The following PER1 variants were observed in gnomAD, a reference collection of about 807,000 sequenced individuals.
The protein encoded by PER1 is period circadian regulator 1, also known as period circadian protein homolog 1.
A neutral mutation model predicts 125.9 loss-of-function variants in PER1; 87 were observed. That is an observed-to-expected ratio of 0.69 (90% CI 0.58 to 0.83). The LOEUF (loss-of-function observed/expected upper bound fraction) is 0.83. PER1 is among the 40% of genes least tolerant of loss of function. The pLI, the probability that PER1 is intolerant of heterozygous loss-of-function variation, is 0.00. For synonymous variants in PER1, 801 were observed against 714.7 expected, an observed-to-expected ratio of 1.12 and a Z score of -1.93; for missense variants, 1,775 against 1,722.8, an observed-to-expected ratio of 1.03 and a Z score of -0.54.
In PER1 at chr17:8,152,357, C is replaced by G. The variant is rs1217738542; in HGVS notation, c.-160G>C. 1 of 152,462 alleles carries G rather than the reference C, an allele frequency of 6.6e-6. No individual in the cohort carries two copies. The highest frequency in any genetic ancestry group is 1.5e-5 in the Non-Finnish European group (1 of 68,174). The allele number at this position is 152,462 out of a possible 1,614,324, so 9.4% of individuals were successfully genotyped here. ...CCTACCTGGTCGCAGGAGTGTCCTC[C>G]GCACGCCTGCCCGCCGCCGCTCCAG... On this transcript the variant is annotated 5_prime_UTR_variant, in exon 1 of 23. Coordinates refer to ENST00000317276, the MANE Select transcript of PER1 (RefSeq NM_002616.3).
chr17:8,146,878 C>T lies in PER1; in HGVS notation c.1735+19G>A, dbSNP rs55655060. On this transcript the variant is annotated intron_variant, in intron 14 of 22. Coordinates refer to ENST00000317276, the MANE Select transcript of PER1 (RefSeq NM_002616.3). ...CCCCCCAGGTCTGTCTCTTCACCCA[C>T]ACATCATCATCAACTCACCAGGGAG... is the stretch of plus-strand genomic sequence containing the variant. 2.8e-3 allele frequency: 4,590 copies of T among 1,611,688 alleles called. 55 individuals are homozygous for T. Among genetic ancestry groups the T allele is most frequent in the South Asian group, 0.026 (2,402 of 90,860 alleles).
At chr17:8,148,996 C>T (rs1414802815) in intron 7 of PER1, 13 of 629,784 alleles carry the variant, frequency 2.1e-5, no homozygotes, top group Non-Finnish European at 3.0e-5. Flanking sequence ...CGAGACCAGC[C>T]TGGCCAACAT....
At position 8,148,112 on chromosome 17, in the gene PER1, G is replaced by T; in HGVS notation, c.1128-9C>A. ...CCAGCAGGGGGGCAGCCCTGAACGG[G>T]AAGGAGGCATCAGAGTGGCCGTGGC... On this transcript the variant is annotated splice_polypyrimidine_tract_variant and intron_variant, in intron 9 of 22. Transcript: ENST00000317276. 2 of 1,612,964 alleles carry T rather than the reference G, an allele frequency of 1.2e-6. No individual in the cohort carries two copies. The highest frequency in any genetic ancestry group is 8.5e-7 in the Non-Finnish European group (1 of 1,179,354).
chr17:8,142,142 G>T, intron 21 of PER1, 127 bp downstream of exon 21: 1 of 1,096,012 alleles, frequency 9.1e-7, no homozygotes, highest in Admixed American at 2.4e-5. Flanking sequence ...TAGTAACAGG[G>T]CTCCAAGGAG....
At chr17:8,144,715 G>A in intron 18 of PER1, 36 bp downstream of exon 18, 1 of 1,544,488 alleles carries the variant, frequency 6.5e-7, no homozygotes, top group Non-Finnish European at 8.7e-7. Context: ...CCTAGACTGG[G>A]CAGAGGGCAG....
chr17:8,142,821 C>T lies in PER1; in HGVS notation c.3087G>A (p.Glu1029=), dbSNP rs756785821. Residue 1029 remains glutamate (E), a synonymous_variant, in exon 20 of 23, where the codon GAG becomes GAA. Coordinates refer to ENST00000317276, the MANE Select transcript of PER1 (RefSeq NM_002616.3). ...CGGAAAGTGCGTCCTGATTGGAGGA[C>T]TCAGTGACCTCCGCCTGGAGGAGGG... The part of the protein sequence containing the change: ...EPEARLAEVT[E]SSNQDALSGS... 3.7e-6 allele frequency: 6 copies of T among 1,603,960 alleles called. No individual in the cohort carries two copies. In the African/African-American group the frequency reaches 8.0e-5, roughly 21 times the overall value.
At chr17:8,147,964 G>A (rs372390447) in intron 10 of PER1, 33 bp downstream of exon 10, 80 of 1,595,370 alleles carry the variant, frequency 5.0e-5, no homozygotes, top group Non-Finnish European at 6.2e-5. Flanking sequence ...GCCCAGGACA[G>A]TGGGAAGGGC....
chr17:8,140,872 A>T lies in PER1; in HGVS notation c.*196T>A. ...GACACTCCTCTGGGCTGGGCTGCGGAGTTCTGCTCTCTGCTCCCTAAGAGG... is the reference window on the plus strand; with the variant it reads ...GACACTCCTCTGGGCTGGGCTGCGGTGTTCTGCTCTCTGCTCCCTAAGAGG... On this transcript the variant is annotated 3_prime_UTR_variant, in exon 23 of 23. Coordinates refer to ENST00000317276, the MANE Select transcript of PER1 (RefSeq NM_002616.3). 1.7e-6 allele frequency: 1 copy of T among 598,486 alleles called. No individual in the cohort carries two copies. The highest frequency in any genetic ancestry group is 1.8e-5 in the African/African-American group (1 of 54,186). 37.1% of individuals were successfully genotyped at this position (598,486 alleles called of 1,614,324 possible). A position where few individuals can be genotyped will look rare whatever the true frequency, so the allele number is the denominator to read the frequency against.
Position 8,147,684 on chromosome 17 carries a change from T to G in PER1, c.1378A>C (p.Lys460Gln). The G allele has an allele frequency of 6.2e-7, 1 of 1,614,010 alleles. No homozygotes were observed. Among genetic ancestry groups the G allele is most frequent in the Non-Finnish European group, 8.5e-7 (1 of 1,180,010 alleles). ...RKVAFVLGRH[K>Q]VRTAPLNEDV... The stretch of plus-strand genomic sequence containing the variant: ...GCATGGCCCACTTACGTGCGTACTT[T>G]GTGGCGGCCCAACACGAAGGCTACC... Residue 460 changes from lysine to glutamine, a missense_variant, in exon 11 of 23, where the codon AAA (lysine) becomes CAA (glutamine). Physicochemically the swap from Lys to Gln is moderately conservative, Grantham distance 53 (BLOSUM62 1). Transcript: ENST00000317276.
chr17:8,146,674 G>A lies in PER1; in HGVS notation c.1827C>T (p.Ala609=). The change falls in exon 15 of 23, where the codon GCC becomes GCT. Residue 609 remains alanine, a synonymous_variant. Coordinates refer to ENST00000317276, the MANE Select transcript of PER1 (RefSeq NM_002616.3). ...TCCTCTCGGCCTCCTCAGGGACCAAGGCTAGTGGGGCCTGGACGGGAGCAG... is the reference window on the plus strand; with the variant it reads ...TCCTCTCGGCCTCCTCAGGGACCAAAGCTAGTGGGGCCTGGACGGGAGCAG... ...AGSAPVQAPL[A]LVPEEAERKE... is the part of the protein sequence containing the mutation. 6.2e-6 allele frequency: 10 copies of A among 1,613,940 alleles called. No individual in the cohort carries two copies. The highest frequency in any genetic ancestry group is 1.1e-5 in the South Asian group (1 of 91,086).
Position 8,146,088 on chromosome 17 carries a change from C to A in PER1, c.2088G>T (p.Glu696Asp). 1 of 1,613,162 alleles carries A rather than the reference C, an allele frequency of 6.2e-7. No homozygotes were observed. Among genetic ancestry groups the A allele is most frequent in the Non-Finnish European group, 8.5e-7 (1 of 1,179,572 alleles). Residue 696 changes from glutamate (E) to aspartate (D), a missense_variant, in exon 17 of 23, where the codon GAG (glutamate) becomes GAT (aspartate). By Grantham distance (45) the Glu-to-Asp change is conservative. Coordinates refer to ENST00000317276, the MANE Select transcript of PER1 (RefSeq NM_002616.3). ...GGCTCAGGGTGCCTCCCACCACTGG[C>A]TCCTTCCGTGGGGTGGCCCCCTCCC... is the stretch of plus-strand genomic sequence containing the variant. ...LSGEGATPRK[E>D]PVVGGTLSPL...
Position 8,142,466 on chromosome 17 carries a change from G to A in PER1, c.3260-8C>T. The A allele has an allele frequency of 1.3e-6, 2 of 1,569,948 alleles. No homozygotes were observed. The highest frequency in any genetic ancestry group is 1.7e-6 in the Non-Finnish European group (2 of 1,156,518). On this transcript the variant is annotated splice_region_variant and splice_polypyrimidine_tract_variant and intron_variant, in intron 20 of 22. Coordinates refer to ENST00000317276, the MANE Select transcript of PER1 (RefSeq NM_002616.3). ...GGCTGCTCTGGCTGCTGCCTGTGAA[G>A]TGGGGGGCAGACCAATGGGAGTCAG... is the stretch of plus-strand genomic sequence containing the variant.
In PER1 at chr17:8,146,907, GGGCCGGGACTGA is replaced by G; in HGVS notation, c.1713_1724del (p.Gln572_Pro575del). The G allele has an allele frequency of 6.2e-7, 1 of 1,613,880 alleles. No individual in the cohort carries two copies. Among genetic ancestry groups the G allele is most frequent in the Non-Finnish European group, 8.5e-7 (1 of 1,179,852 alleles). On this transcript the variant is annotated inframe_deletion, in exon 14 of 23. Coordinates refer to ENST00000317276, the MANE Select transcript of PER1 (RefSeq NM_002616.3). ...TCATCATCAACTCACCAGGGAGGCGGGGCCGGGACTGAGGCCGGGCCCGAGACTCAATAAAAA... is the reference window on the plus strand; with the variant it reads ...TCATCATCAACTCACCAGGGAGGCGGGGCCGGGCCCGAGACTCAATAAAAA...
At position 8,149,284 on chromosome 17, in the gene PER1, C is replaced by T; in HGVS notation, c.880G>A (p.Glu294Lys). Reference sequence around the variant, plus strand: ...CTGATACGGCAGAAGACGGACTTCTCCTGGGTAAAGTCCCTGAGGCCTGAA... The same window carrying T: ...CTGATACGGCAGAAGACGGACTTCTTCTGGGTAAAGTCCCTGAGGCCTGAA... ...AGSGLRDFTQ[E>K]KSVFCRIRGG... The change falls in exon 7 of 23, where the codon GAG becomes AAG. Residue 294 changes from glutamate to lysine, a missense_variant. Physicochemically the swap from Glu to Lys is moderately conservative, Grantham distance 56 (BLOSUM62 1). Transcript: ENST00000317276. The T allele has an allele frequency of 1.2e-6, 2 of 1,613,942 alleles. No individual in the cohort carries two copies. Among genetic ancestry groups the T allele is most frequent in the Non-Finnish European group, 1.7e-6 (2 of 1,179,948 alleles).
chr17:8,145,485 G>A (rs540357880), intron 17 of PER1, among the ~76,000 whole-genome samples: 57 of 152,000 alleles, frequency 3.8e-4, no homozygotes, highest in East Asian at 1.9e-3. Context: ...CACCACGCCC[G>A]GCTAATTTTT....
chr17:8,143,493 G>C lies in PER1; in HGVS notation c.2845C>G (p.Pro949Ala). ...GATGGAGAAGGGGAGTGCGAGGCAGGAGTGGGAGGCCCTTCAGCAGGGGTC... is the reference window on the plus strand; with the variant it reads ...GATGGAGAAGGGGAGTGCGAGGCAGCAGTGGGAGGCCCTTCAGCAGGGGTC... ...LQTPAEGPPT[P>A]ASHSPSPSLP... is the part of the protein sequence containing the mutation. Residue 949 changes from proline (P) to alanine (A), a missense_variant, in exon 19 of 23, where the codon CCT (proline) becomes GCT (alanine). Pro to Ala is a conservative substitution (Grantham distance 27). Transcript: ENST00000317276. 1 of 1,584,752 alleles carries C rather than the reference G, an allele frequency of 6.3e-7. No homozygotes were observed. The highest frequency in any genetic ancestry group is 8.6e-7 in the Non-Finnish European group (1 of 1,163,474).
At chr17:8,141,665 A>G (rs1982083619) in intron 22 of PER1, 140 bp downstream of exon 22, 2 of 1,164,322 alleles carry the variant, frequency 1.7e-6, no homozygotes, top group Non-Finnish European at 2.5e-6. Flanking sequence ...AAGGACATCA[A>G]GGAGATCAGC....
rs767902298 is a variant in PER1, at chr17:8,143,675, A to T, written c.2663T>A (p.Val888Glu). 4 of 1,438,616 alleles carry T rather than the reference A, an allele frequency of 2.8e-6. No homozygotes were observed. Among genetic ancestry groups the T allele is most frequent in the Non-Finnish European group, 1.8e-6 (2 of 1,088,162 alleles). The allele number at this position is 1,438,616 out of a possible 1,614,324, so 89.1% of individuals were successfully genotyped here. Reference sequence around the variant, plus strand: ...CTGGGGGCCTCCTCGAGGAGAGAACACTGGGAGAGGGTAGGGCTGGACAAC... The same window carrying T: ...CTGGGGGCCTCCTCGAGGAGAGAACTCTGGGAGAGGGTAGGGCTGGACAAC... ...PAVVQPYPLPVFSPRGGPQPL... is the reference protein window; with the variant it reads ...PAVVQPYPLPEFSPRGGPQPL... Residue 888 changes from valine (V) to glutamate (E), a missense_variant, in exon 19 of 23, where the codon GTG (valine) becomes GAG (glutamate). Physicochemically the swap from Val to Glu is moderately radical, Grantham distance 121. Coordinates refer to ENST00000317276, the MANE Select transcript of PER1 (RefSeq NM_002616.3).
At chr17:8,142,573 C>T (rs572427645) in intron 20 of PER1, 76 bp downstream of exon 20, 99 of 1,575,884 alleles carry the variant, frequency 6.3e-5, no homozygotes, top group South Asian at 1.6e-4. Flanking sequence ...TAGGAAGCTC[C>T]GCCAAGACGG....
Sources: allele counts gnomAD v4.1 joint callset (sites outside exome capture counted in the v4.1 genomes callset), GRCh38; gene constraint gnomAD v4.1.1; transcripts MANE v1.5; gene names NCBI Gene and HGNC (gene_info 2026-07-23, HGNC 2026-07-21).